ACP7: variants seen among roughly 807,000 people sequenced by gnomAD.
ACP7 encodes the protein acid phosphatase type 7.
A neutral mutation model predicts 60.6 loss-of-function variants in ACP7; 58 were observed. The observed-to-expected ratio is 0.96, with a 90% CI of 0.77 to 1.19. ACP7 has a LOEUF of 1.19. Ranked by LOEUF, ACP7 falls within the 50% of genes most tolerant of loss-of-function variation. The pLI is 0.00. For missense variants in ACP7, 574 were observed against 596.2 expected (o/e 0.96, Z 0.39); for synonymous variants, 237 against 232.6 (o/e 1.02, Z -0.17).
At chr19:39,096,635 C>G (rs1044139576) in intron 2 of ACP7, among the ~76,000 whole-genome samples, 1 of 152,180 alleles carries the variant, frequency 6.6e-6, no homozygotes, top group African/African-American at 2.4e-5. Flanking sequence ...TTCAGCAACA[C>G]CCCACTCTAC....
upstream of ACP7, among the ~76,000 whole-genome samples, chr19:39,084,115 T>G (rs2073113112): frequency 6.6e-6 from 1 of 151,990 alleles, no homozygotes; most frequent in African/African-American, 2.4e-5. Context: ...GGTGGCCGGC[T>G]CAGAGGTGGC....
Position 39,100,618 on chromosome 19 carries a change from G to C in ACP7, c.668G>C (p.Gly223Ala), listed in dbSNP as rs773338601. ...SNYKARFSMPGDNEGLWYSWD... is the reference protein window; with the variant it reads ...SNYKARFSMPADNEGLWYSWD... The stretch of plus-strand genomic sequence containing the variant: ...TACAAGGCTCGCTTCAGCATGCCGG[G>C]GGATAATGAGGGCCTGTGGTACAGG... Residue 223 changes from glycine (G) to alanine (A), a missense_variant, in exon 6 of 13, where the codon GGG (glycine) becomes GCG (alanine). By Grantham distance (60) the Gly-to-Ala change is moderately conservative (BLOSUM62 0). Coordinates refer to ENST00000331256, the MANE Select transcript of ACP7 (RefSeq NM_001004318.3). The C allele has an allele frequency of 1.2e-6, 2 of 1,614,016 alleles. No individual in the cohort carries two copies. The highest frequency in any genetic ancestry group is 1.1e-5 in the South Asian group (1 of 91,070).
chr19:39,105,486 G>C (rs922946603), intron 11 of ACP7, among the ~76,000 whole-genome samples: 4 of 152,300 alleles, frequency 2.6e-5, no homozygotes, highest in South Asian at 2.1e-4. Flanking sequence ...ACACAAAACA[G>C]ATACTGTGTT....
intron 2 of ACP7, among the ~76,000 whole-genome samples, chr19:39,095,900 G>A (rs966428671): frequency 3.3e-5 from 5 of 152,208 alleles, no homozygotes; most frequent in East Asian, 1.9e-4. Flanking sequence ...CTGAAGCCAC[G>A]GCCCAAGCTC....
chr19:39,096,579 G>C (rs929568618), intron 2 of ACP7, among the ~76,000 whole-genome samples: 43 of 152,080 alleles, frequency 2.8e-4, no homozygotes, highest in Admixed American at 2.3e-3. Flanking sequence ...TCCGACCTCT[G>C]TCTGTTACCC....
intron 2 of ACP7, among the ~76,000 whole-genome samples, 170 bp from the exon 3 acceptor site, chr19:39,098,288 A>C (rs2073293093): frequency 6.6e-6 from 1 of 151,536 alleles, no homozygotes. Context: ...AAGAAAAGAA[A>C]AGAAAAGAAA....
intron 11 of ACP7, among the ~76,000 whole-genome samples, chr19:39,105,879 C>T (rs150301602): frequency 6.6e-6 from 1 of 152,268 alleles, no homozygotes; most frequent in African/African-American, 2.4e-5. Context: ...GGATGGGTCT[C>T]ATTACTGATG....
chr19:39,093,185 T>TCCTTCCTTCCTTCCTTCCTTCCTTCCTC (rs2073228064), intron 2 of ACP7, among the ~76,000 whole-genome samples: 2 of 135,696 alleles, frequency 1.5e-5, no homozygotes, highest in Admixed American at 1.5e-4. Context: ...CTTCCTTCCT[T>TCCTTCCTTCCTTCCTTCCTTCCTTCCTC]CCTTCTTTCT....
chr19:39,087,018 T>C (rs879547617), intron 2 of ACP7, among the ~76,000 whole-genome samples: 6 of 152,120 alleles, frequency 3.9e-5, no homozygotes, highest in Non-Finnish European at 5.9e-5. Context: ...TATTTATTTA[T>C]TTATTTTTGA....
intron 11 of ACP7, among the ~76,000 whole-genome samples, chr19:39,102,711 A>G (rs11669100): frequency 0.58 from 78,278 of 134,790 alleles, 21,647 homozygotes; most frequent in East Asian, 0.69. Flanking sequence ...GTTCCAATGA[A>G]GACTTTTCTT....
At chr19:39,096,618 G>A (rs2073268641) in intron 2 of ACP7, among the ~76,000 whole-genome samples, 1 of 152,006 alleles carries the variant, frequency 6.6e-6, no homozygotes, top group Non-Finnish European at 1.5e-5. Flanking sequence ...ACATTTTCAG[G>A]TATCTTTTCA....
chr19:39,108,564 G>C (rs539535405), intron 12 of ACP7, among the ~76,000 whole-genome samples: 2 of 152,138 alleles, frequency 1.3e-5, no homozygotes, highest in South Asian at 4.2e-4. Context: ...GAAGAGTGCG[G>C]AACTTGGTAA....
intron 2 of ACP7, among the ~76,000 whole-genome samples, chr19:39,092,728 C>A (rs73045449): frequency 0.17 from 24,840 of 150,118 alleles, 2,412 homozygotes; most frequent in East Asian, 0.29. Flanking sequence ...TGACTCAGAC[C>A]AGTGTCTCTG....
At chr19:39,100,715 AC>A (rs1272609606) in intron 6 of ACP7, 23 bp from the exon 7 acceptor site, 1 of 1,612,354 alleles carries the variant, frequency 6.2e-7, no homozygotes, top group Non-Finnish European at 8.5e-7. Context: ...CTGGTCCCTG[AC>A]CCCTGCCCTT....
rs536724165 is a variant in ACP7, at chr19:39,088,866, C to T, written c.121+3476C>T. Among the ~76,000 whole-genome samples, 3 of 152,226 alleles carry T rather than the reference C, an allele frequency of 2.0e-5. No individual in the cohort carries two copies. In the South Asian group the frequency reaches 6.2e-4, roughly 32 times the overall value. ...GTTCAAGGGATTCTCCTGCCTCAGC[C>T]TCCCGAGTAGCTGGGACTACCAGCG... On this transcript the variant is annotated intron_variant, in intron 2 of 12. Transcript: ENST00000331256.
chr19:39,107,487 G>A (rs1023681703), intron 12 of ACP7, among the ~76,000 whole-genome samples: 1 of 150,772 alleles, frequency 6.6e-6, no homozygotes, highest in African/African-American at 2.4e-5. Flanking sequence ...GGGAGGCTGA[G>A]GCAGGAGAAT....
intron 2 of ACP7, among the ~76,000 whole-genome samples, chr19:39,094,169 T>G (rs2073240430): frequency 6.6e-6 from 1 of 152,092 alleles, no homozygotes; most frequent in Admixed American, 6.6e-5. Context: ...TTCGTATCTA[T>G]CTGTATATGC....
rs757914308 is a variant in ACP7 at position 39,085,391 on chromosome 19, G to C, written c.121+1G>C. 6.2e-7 allele frequency: 1 copy of C among 1,608,460 alleles called. No homozygotes were observed. Reference sequence around the variant, plus strand: ...GAGCAAGTCCATCTGTCTTACCCAGGTAAGTGTCCCTGACTCATTTCTATG... The same window carrying C: ...GAGCAAGTCCATCTGTCTTACCCAGCTAAGTGTCCCTGACTCATTTCTATG... On this transcript the variant is annotated splice_donor_variant, in intron 2 of 12. Coordinates refer to ENST00000331256, the MANE Select transcript of ACP7 (RefSeq NM_001004318.3). LOFTEE classifies it high-confidence loss of function.
chr19:39,095,704 C>A (rs2073257691), intron 2 of ACP7, among the ~76,000 whole-genome samples: 1 of 152,254 alleles, frequency 6.6e-6, no homozygotes, highest in Non-Finnish European at 1.5e-5. Flanking sequence ...CCCCACATTT[C>A]CCTTCTGCAC....
Sources: gnomAD v4.1 joint callset for allele counts (sites outside exome capture counted in the v4.1 genomes callset) on GRCh38, gnomAD v4.1.1 for gene constraint, MANE v1.5 for transcripts, NCBI Gene and HGNC (gene_info 2026-07-23, HGNC 2026-07-21) for gene names.